The following CIMIP7 variants were observed in gnomAD, a reference collection of about 807,000 sequenced individuals.
CIMIP7 encodes uncharacterized protein C3orf84.
chr3:49,183,110 G>T, the CIMIP7 span, among the ~76,000 whole-genome samples: 1 of 152,230 alleles, frequency 6.6e-6, no homozygotes, highest in Admixed American at 6.5e-5. Context: ...CCCAAAGTGG[G>T]AGTCCAGGCA....
At chr3:49,181,119 A>C in the CIMIP7 span, among the ~76,000 whole-genome samples, 3 of 151,676 alleles carry the variant, frequency 2.0e-5, no homozygotes, top group Non-Finnish European at 4.4e-5. Flanking sequence ...AGGCGGATAG[A>C]TCACTTGAAG....
At chr3:49,179,207 T>C in the CIMIP7 span, among the ~76,000 whole-genome samples, 1 of 152,122 alleles carries the variant, frequency 6.6e-6, no homozygotes, top group African/African-American at 2.4e-5. Flanking sequence ...ATCCTGTTGA[T>C]ACTGTGGTCA....
the CIMIP7 span, chr3:49,178,080 A>G: frequency 6.5e-7 from 1 of 1,543,708 alleles, no homozygotes; most frequent in Non-Finnish European, 8.7e-7. Flanking sequence ...CCCTTGGCCC[A>G]CATTCCTGGC....
At chr3:49,186,883 G>A in the CIMIP7 span, among the ~76,000 whole-genome samples, 34,684 of 152,204 alleles carry the variant, frequency 0.23, 4,890 homozygotes, top group Non-Finnish European at 0.32. Flanking sequence ...CAGGCAAAGT[G>A]TAAAAGAAAT....
At chr3:49,185,391 C>A in the CIMIP7 span, among the ~76,000 whole-genome samples, 1 of 151,048 alleles carries the variant, frequency 6.6e-6, no homozygotes, top group African/African-American at 2.4e-5. Context: ...ATGGTGAAAC[C>A]CTGTCTCTAC....
the CIMIP7 span, among the ~76,000 whole-genome samples, chr3:49,179,758 G>T: frequency 6.6e-6 from 1 of 152,222 alleles, no homozygotes. Flanking sequence ...TAAGCTGCTT[G>T]TGGGCAAAGG....
the CIMIP7 span, among the ~76,000 whole-genome samples, chr3:49,186,388 C>T: frequency 4.5e-3 from 689 of 151,806 alleles, 7 homozygotes; most frequent in Non-Finnish European, 7.5e-3. Flanking sequence ...CAGGCGCCTG[C>T]CACCACACCT....
the CIMIP7 span, among the ~76,000 whole-genome samples, chr3:49,181,384 C>T: frequency 2.5e-4 from 37 of 149,634 alleles, no homozygotes; most frequent in Non-Finnish European, 3.5e-4. Context: ...CGTGCAGTGG[C>T]TTACACCCGT....
chr3:49,177,968 G>A, the CIMIP7 span: 3 of 1,613,536 alleles, frequency 1.9e-6, no homozygotes, highest in South Asian at 2.2e-5. Flanking sequence ...ATCTCACAGG[G>A]TGCCCAGCGC....
the CIMIP7 span, among the ~76,000 whole-genome samples, chr3:49,182,765 G>A: frequency 2.0e-5 from 3 of 152,194 alleles, no homozygotes; most frequent in Non-Finnish European, 2.9e-5. Flanking sequence ...AGGGAGTGAA[G>A]GGGGAGGTTC....
At chr3:49,180,153 G>A in the CIMIP7 span, among the ~76,000 whole-genome samples, 4 of 152,166 alleles carry the variant, frequency 2.6e-5, no homozygotes, top group Non-Finnish European at 5.9e-5. Flanking sequence ...GTGTTTGGCT[G>A]TAATCCCAGC....
the CIMIP7 span, among the ~76,000 whole-genome samples, chr3:49,183,230 A>G: frequency 1.3e-5 from 2 of 152,224 alleles, no homozygotes; most frequent in South Asian, 4.1e-4. Flanking sequence ...AAACCACAAT[A>G]AGATATCACT....
the CIMIP7 span, among the ~76,000 whole-genome samples, chr3:49,179,082 C>G: frequency 6.6e-6 from 1 of 152,170 alleles, no homozygotes; most frequent in Non-Finnish European, 1.5e-5. Context: ...TGGGTCATCC[C>G]CAGACACACT....
chr3:49,177,944 G>T, the CIMIP7 span: 1 of 1,613,760 alleles, frequency 6.2e-7, no homozygotes. Context: ...AGGGGCCCCT[G>T]CTGGCGCAAC....
chr3:49,191,804 T>C, the CIMIP7 span: 14 of 1,539,386 alleles, frequency 9.1e-6, no homozygotes, highest in Admixed American at 1.4e-4. Flanking sequence ...AGGCAAACTT[T>C]CCTCTTGTCT....
At chr3:49,183,385 T>C in the CIMIP7 span, among the ~76,000 whole-genome samples, 1 of 152,206 alleles carries the variant, frequency 6.6e-6, no homozygotes, top group Admixed American at 6.5e-5. Flanking sequence ...CAGTTTCTTT[T>C]AAAAACTAAA....
the CIMIP7 span, among the ~76,000 whole-genome samples, chr3:49,185,722 G>A: frequency 5.0e-4 from 73 of 147,016 alleles, no homozygotes; most frequent in Admixed American, 9.0e-4. Context: ...ACGGAGTCTC[G>A]CACTGTTGCC....
the CIMIP7 span, among the ~76,000 whole-genome samples, chr3:49,180,929 CAAAAAAAA>C: frequency 1.5e-5 from 1 of 65,924 alleles, no homozygotes; most frequent in Admixed American, 2.0e-4. Context: ...GACTCCGTCT[CAAAAAAAA>C]AAAAAAAAAA....
At chr3:49,187,897 G>A in the CIMIP7 span, among the ~76,000 whole-genome samples, 2 of 152,220 alleles carry the variant, frequency 1.3e-5, no homozygotes, top group African/African-American at 4.8e-5. Context: ...ACTTGGGGCT[G>A]CTGATAATGC....
Sources: gnomAD v4.1 joint callset for allele counts (sites outside exome capture counted in the v4.1 genomes callset) on GRCh38, gnomAD v4.1.1 for gene constraint, MANE v1.5 for transcripts, NCBI Gene and HGNC (gene_info 2026-07-23, HGNC 2026-07-21) for gene names.